DCN: variants seen among roughly 807,000 people sequenced by gnomAD.
DCN encodes bone proteoglycan II.
DCN carries 17 observed loss-of-function variants against 36.5 expected under a neutral mutation model. The ratio of observed to expected loss-of-function variants is 0.47; its 90% confidence interval spans 0.32 to 0.70. The LOEUF (loss-of-function observed/expected upper bound fraction) is 0.70, where lower values mean the gene tolerates loss of function less well. Ranked by LOEUF, DCN falls within the 30% of genes least tolerant of loss-of-function variation. The pLI, the probability that DCN is intolerant of heterozygous loss-of-function variation, is 0.04. For synonymous variants in DCN, 163 were observed against 161.4 expected (o/e 1.01, Z -0.07); for missense variants, 389 against 430.1 (o/e 0.90, Z 0.84).
intron 7 of DCN, 147 bp downstream of exon 7, chr12:91,151,507 T>C (rs889009947): frequency 1.2e-6 from 1 of 823,044 alleles, no homozygotes; most frequent in Admixed American, 2.3e-5. Flanking sequence ...TTTAATTTTT[T>C]TTATGGTATT....
At chr12:91,149,391 A>G (rs985286659) in intron 7 of DCN, among the ~76,000 whole-genome samples, 6 of 152,216 alleles carry the variant, frequency 3.9e-5, no homozygotes, top group Admixed American at 1.3e-4. Context: ...AAAAACATGT[A>G]AGAAAAAAAT....
rs760572205 is a variant in DCN, at chr12:91,151,598, AGGGTG to A, written c.885+51_885+55del. The A allele has an allele frequency of 8.0e-5, 129 of 1,607,842 alleles. No homozygotes were observed. In the Admixed American group the frequency reaches 9.2e-4, roughly 11 times the overall value. ...TCCTGCTTCCCAGCATCCCATAAGC[AGGGTG>A]GGGGTCTTGCTTTTTGGATATTCCT... On this transcript the variant is annotated intron_variant, in intron 7 of 7. Transcript: ENST00000052754.
chr12:91,154,238 G>T (rs894270578), intron 5 of DCN, among the ~76,000 whole-genome samples: 3 of 152,014 alleles, frequency 2.0e-5, no homozygotes, highest in African/African-American at 7.2e-5. Context: ...GTTTCCTATG[G>T]TAGCATATTT....
At chr12:91,147,454 C>T (rs1234238379) in intron 7 of DCN, among the ~76,000 whole-genome samples, 1 of 152,154 alleles carries the variant, frequency 6.6e-6, no homozygotes, top group African/African-American at 2.4e-5. Flanking sequence ...TTGTTTGTTT[C>T]TCTCCTCTAG....
chr12:91,141,422 C>A lies in DCN; in HGVS notation c.*4636G>T, dbSNP rs1223290840. On this transcript the variant is annotated 3_prime_UTR_variant, in exon 8 of 8. Transcript: ENST00000052754. ...CACTCCTGATAAGTCCTTTTTCCGACCATCCTATATAAAATAGCAAGTCTC... is the reference window on the plus strand; with the variant it reads ...CACTCCTGATAAGTCCTTTTTCCGAACATCCTATATAAAATAGCAAGTCTC... 2.0e-5 allele frequency: 3 copies of A among 152,104 alleles called. No homozygotes were observed. The highest frequency in any genetic ancestry group is 1.3e-4 in the Admixed American group (2 of 15,260). 9.4% of individuals were successfully genotyped at this position (152,104 alleles called of 1,614,324 possible). A position where few individuals can be genotyped will look rare whatever the true frequency, so the allele number is the denominator to read the frequency against.
Position 91,172,874 on chromosome 12 carries a change from GA to G in DCN, c.211+5467del, listed in dbSNP as rs748964390. On this transcript the variant is annotated intron_variant, in intron 2 of 7. Coordinates refer to ENST00000052754, the MANE Select transcript of DCN (RefSeq NM_001920.5). ...ATTATTGCAATACTTCTTTTCTAGT[GA>G]AAAAAAATAAAATAGATATATAAAA... The G allele has an allele frequency of 6.2e-4, 377 of 605,352 alleles. 2 individuals carry two copies. The highest frequency in any genetic ancestry group is 2.4e-3 in the African/African-American group (126 of 51,922). 37.5% of individuals were successfully genotyped at this position (605,352 alleles called of 1,614,324 possible).
intron 4 of DCN, 53 bp from the exon 5 acceptor site, chr12:91,157,241 G>T: frequency 1.7e-6 from 2 of 1,200,514 alleles, no homozygotes; most frequent in Non-Finnish European, 2.5e-6. Context: ...GATATTACTA[G>T]TCACTGTAGT....
At chr12:91,151,883 C>T (rs906592918) in intron 6 of DCN, 91 bp from the exon 7 acceptor site, 11 of 1,523,596 alleles carry the variant, frequency 7.2e-6, no homozygotes, top group Non-Finnish European at 9.0e-6. Flanking sequence ...TAGGAAAGGA[C>T]ATTTTTTGTT....
intron 2 of DCN, chr12:91,177,394 A>G: frequency 1.7e-6 from 1 of 577,570 alleles, no homozygotes; most frequent in Non-Finnish European, 3.1e-6. Flanking sequence ...GAAGTGCCTG[A>G]TCATAGTATG....
At chr12:91,163,662 G>A (rs1263114852) in intron 3 of DCN, among the ~76,000 whole-genome samples, 1 of 152,012 alleles carries the variant, frequency 6.6e-6, no homozygotes, top group Non-Finnish European at 1.5e-5. Context: ...AGAGAGATAA[G>A]AGAAAATCAA....
At chr12:91,160,541 C>A (rs894639780) in intron 3 of DCN, among the ~76,000 whole-genome samples, 2 of 152,044 alleles carry the variant, frequency 1.3e-5, no homozygotes, top group African/African-American at 4.8e-5. Flanking sequence ...AGTTTAGAAT[C>A]TCAAGCTCTG....
intron 2 of DCN, chr12:91,177,379 T>G (rs1883355782): frequency 1.8e-6 from 1 of 564,616 alleles, no homozygotes; most frequent in African/African-American, 1.9e-5. Flanking sequence ...ATAGGACTTC[T>G]GAAAGAAGTG....
At chr12:91,162,766 G>C (rs3138231) in intron 3 of DCN, among the ~76,000 whole-genome samples, 2,573 of 152,200 alleles carry the variant, frequency 0.017, 69 homozygotes, top group African/African-American at 0.058. Flanking sequence ...ATCTGCTTCT[G>C]TAAAACTTCT....
At chr12:91,166,375 T>C (rs894997305) in intron 2 of DCN, among the ~76,000 whole-genome samples, 6 of 152,182 alleles carry the variant, frequency 3.9e-5, no homozygotes, top group African/African-American at 1.4e-4. Flanking sequence ...AATGACACTG[T>C]ACAGTTGTAA....
chr12:91,153,624 T>C (rs1659376136), intron 5 of DCN, among the ~76,000 whole-genome samples: 1 of 152,122 alleles, frequency 6.6e-6, no homozygotes, highest in African/African-American at 2.4e-5. Flanking sequence ...TAATTGTCTA[T>C]TTCATTAATG....
At chr12:91,149,178 G>A (rs1881245864) in intron 7 of DCN, among the ~76,000 whole-genome samples, 1 of 151,966 alleles carries the variant, frequency 6.6e-6, no homozygotes, top group Non-Finnish European at 1.5e-5. Flanking sequence ...TTATGAATAT[G>A]GACAAAAAAT....
chr12:91,178,213 T>C (rs1390224462), intron 2 of DCN, 129 bp downstream of exon 2: 1 of 805,910 alleles, frequency 1.2e-6, no homozygotes, highest in Non-Finnish European at 2.2e-6. Flanking sequence ...CTGCTTCCTT[T>C]ACTCCTCATT....
chr12:91,151,468 A>G, intron 7 of DCN, 186 bp downstream of exon 7: 1 of 643,374 alleles, frequency 1.6e-6, no homozygotes, highest in East Asian at 2.9e-5. Context: ...CTTTATTGAA[A>G]TCTAGCTAAT....
chr12:91,142,662 T>C lies in DCN; in HGVS notation c.*3396A>G, dbSNP rs983433058. The C allele has an allele frequency of 6.6e-6, 1 of 152,110 alleles. No homozygotes were observed. Among genetic ancestry groups the C allele is most frequent in the Non-Finnish European group, 1.5e-5 (1 of 68,018 alleles). 9.4% of individuals were successfully genotyped at this position (152,110 alleles called of 1,614,324 possible). A position where few individuals can be genotyped will look rare whatever the true frequency, so the allele number is the denominator to read the frequency against. On this transcript the variant is annotated 3_prime_UTR_variant, in exon 8 of 8. Transcript: ENST00000052754. The stretch of plus-strand genomic sequence containing the variant: ...ATCATGAATACTGTGTTCTGGAAAA[T>C]CTGTGTCACTTGAATAAACTAAGAT...
Sources: gnomAD v4.1 joint callset for allele counts (sites outside exome capture counted in the v4.1 genomes callset) on GRCh38, gnomAD v4.1.1 for gene constraint, MANE v1.5 for transcripts, NCBI Gene and HGNC (gene_info 2026-07-23, HGNC 2026-07-21) for gene names.